Variants in MLF1 observed in about 807,000 individuals in gnomAD.
MLF1 encodes the protein myeloid leukemia factor 1, also known as myelodysplasia-myeloid leukemia factor 1.
Under a neutral mutation model 38.3 loss-of-function variants are expected in MLF1, and 37 were observed. The ratio of observed to expected loss-of-function variants is 0.96; its 90% CI spans 0.74 to 1.27. MLF1 has a LOEUF of 1.27. MLF1 is among the 50% of genes most tolerant of loss of function. The probability of loss-of-function intolerance (pLI) is 0.00; values close to 1 mark genes in which losing one functional copy is unlikely to be tolerated. For missense variants in MLF1, 331 were observed against 349.2 expected (o/e 0.95, Z 0.42); for synonymous variants, 95 against 106.5 (o/e 0.89, Z 0.66).
At chr3:158,581,276 T>C (rs1716306557) in intron 1 of MLF1, among the ~76,000 whole-genome samples, 1 of 152,194 alleles carries the variant, frequency 6.6e-6, no homozygotes, top group African/African-American at 2.4e-5. Context: ...CCAGGAGCTC[T>C]ACCAGGTTCT....
chr3:158,588,620 AAAAAG>A (rs1348938582), intron 1 of MLF1, among the ~76,000 whole-genome samples: 9 of 103,200 alleles, frequency 8.7e-5, no homozygotes, highest in Non-Finnish European at 1.6e-4. Flanking sequence ...AAAAAAAAAA[AAAAAG>A]CAGAAAAAAA....
At chr3:158,583,174 G>T (rs1424759253) in intron 1 of MLF1, among the ~76,000 whole-genome samples, 1 of 152,144 alleles carries the variant, frequency 6.6e-6, no homozygotes, top group African/African-American at 2.4e-5. Flanking sequence ...GACTGTATAT[G>T]ACGGGAAGAA....
intron 1 of MLF1, among the ~76,000 whole-genome samples, chr3:158,580,151 T>G (rs2115943): frequency 0.56 from 85,437 of 151,902 alleles, 24,920 homozygotes; most frequent in African/African-American, 0.72. Flanking sequence ...GGGGTGGAAG[T>G]AGGGAGAGCA....
chr3:158,588,226 C>T (rs1717555323), intron 1 of MLF1, among the ~76,000 whole-genome samples: 1 of 152,142 alleles, frequency 6.6e-6, no homozygotes, highest in African/African-American at 2.4e-5. Context: ...ACTAAAGCCT[C>T]AACTGATAAC....
chr3:158,571,588 C>G (rs1260475928), intron 1 of MLF1, among the ~76,000 whole-genome samples: 3 of 102,666 alleles, frequency 2.9e-5, no homozygotes, highest in African/African-American at 3.9e-5. Flanking sequence ...GGTTTGGACG[C>G]GTGAGGTAGG....
chr3:158,592,508 T>G lies in MLF1; in HGVS notation c.122T>G (p.Leu41Trp). 1.2e-6 allele frequency: 2 copies of G among 1,612,648 alleles called. No homozygotes were observed. The highest frequency in any genetic ancestry group is 1.7e-6 in the Non-Finnish European group (2 of 1,179,390). ...TTTTCTGAACCCTTTGGAAGAGACT[T>G]GCTCAGTATCTCTGATGGTAGAGGG... ...RSFSEPFGRD[L>W]LSISDGRGRA... Residue 41 changes from leucine (L) to tryptophan (W), a missense_variant, in exon 2 of 8, where the codon TTG becomes TGG. Physicochemically the swap from Leu to Trp is moderately conservative, Grantham distance 61 (BLOSUM62 -2). Transcript: ENST00000466246.
intron 1 of MLF1, chr3:158,582,910 G>A (rs1353275910): frequency 1.4e-6 from 1 of 689,892 alleles, no homozygotes; most frequent in Admixed American, 2.1e-5. Context: ...AAAAGCAAGA[G>A]CATCAGAGAA....
chr3:158,579,641 C>A (rs904402662), intron 1 of MLF1, among the ~76,000 whole-genome samples: 1 of 152,094 alleles, frequency 6.6e-6, no homozygotes, highest in African/African-American at 2.4e-5. Flanking sequence ...TAATTTTTAG[C>A]CCAATTATAA....
chr3:158,586,446 T>C (rs553038467), intron 1 of MLF1, among the ~76,000 whole-genome samples: 1 of 152,254 alleles, frequency 6.6e-6, no homozygotes, highest in South Asian at 2.1e-4. Context: ...AGCCATGGTT[T>C]AAGTTTGAGT....
At chr3:158,573,189 G>A (rs1274327824) in intron 1 of MLF1, 1 of 151,426 alleles carries the variant, frequency 6.6e-6, no homozygotes, top group Non-Finnish European at 1.5e-5. Flanking sequence ...ATGTGAGTGG[G>A]GAATGTGTCA....
chr3:158,583,383 A>T (rs1346740377), intron 1 of MLF1, among the ~76,000 whole-genome samples: 1 of 152,186 alleles, frequency 6.6e-6, no homozygotes, highest in Non-Finnish European at 1.5e-5. Context: ...TTGATCTCAG[A>T]CTTCCAGCCT....
At position 158,590,017 on chromosome 3, in the gene MLF1, C is replaced by G. The variant is rs559764048; in HGVS notation, c.48-2417C>G. Among the ~76,000 whole-genome samples, 42 of 152,300 alleles carry G rather than the reference C, an allele frequency of 2.8e-4. No homozygotes were observed. The East Asian group carries it at 7.3e-3, about 27-fold the overall frequency. ...CTTCCCATCTCAAAATCCTTATACA[C>G]ATTAGCAAAATGTGGTAAAAACTGA... On this transcript the variant is annotated intron_variant, in intron 1 of 7. Coordinates refer to ENST00000466246, the MANE Select transcript of MLF1 (RefSeq NM_001369783.1).
intron 1 of MLF1, chr3:158,588,986 T>C: frequency 2.3e-6 from 1 of 433,972 alleles, no homozygotes; most frequent in South Asian, 1.7e-5. Context: ...AAATAGGAGT[T>C]TCCCCTCCCC....
intron 4 of MLF1, among the ~76,000 whole-genome samples, 155 bp from the exon 5 acceptor site, chr3:158,597,925 T>G (rs1351553299): frequency 6.6e-6 from 1 of 152,162 alleles, no homozygotes; most frequent in Non-Finnish European, 1.5e-5. Flanking sequence ...TCAAGTCACT[T>G]CTCACTTGAG....
At chr3:158,579,667 TA>T (rs1031622428) in intron 1 of MLF1, among the ~76,000 whole-genome samples, 1 of 152,216 alleles carries the variant, frequency 6.6e-6, no homozygotes, top group Non-Finnish European at 1.5e-5. Flanking sequence ...TGAGAAAAAT[TA>T]ATTTTACTAA....
intron 3 of MLF1, among the ~76,000 whole-genome samples, chr3:158,596,514 G>C (rs915013912): frequency 3.3e-5 from 5 of 152,176 alleles, no homozygotes; most frequent in African/African-American, 7.2e-5. Context: ...GTATGCTAGA[G>C]AATGTATCAC....
chr3:158,582,039 G>A (rs755138370), intron 1 of MLF1, among the ~76,000 whole-genome samples: 1 of 152,064 alleles, frequency 6.6e-6, no homozygotes, highest in Non-Finnish European at 1.5e-5. Context: ...AATTAGCCGG[G>A]CGTGGTGGTG....
At chr3:158,597,860 A>G (rs1719117342) in intron 4 of MLF1, among the ~76,000 whole-genome samples, 1 of 152,112 alleles carries the variant, frequency 6.6e-6, no homozygotes, top group Non-Finnish European at 1.5e-5. Flanking sequence ...TGTACCTAAA[A>G]TGGACGACCG....
chr3:158,584,168 G>T (rs1716846769), intron 1 of MLF1, among the ~76,000 whole-genome samples: 1 of 152,158 alleles, frequency 6.6e-6, no homozygotes, highest in Admixed American at 6.5e-5. Flanking sequence ...ACAGTCACTG[G>T]AAAGGGAGGG....
Sources: gnomAD v4.1 joint callset for allele counts (sites outside exome capture counted in the v4.1 genomes callset) on GRCh38, gnomAD v4.1.1 for gene constraint, MANE v1.5 for transcripts, NCBI Gene and HGNC (gene_info 2026-07-23, HGNC 2026-07-21) for gene names.